The following USP28 variants were observed in gnomAD, a reference collection of about 807,000 sequenced individuals.
USP28 encodes the protein ubiquitin carboxyl-terminal hydrolase 28.
USP28 carries 113 observed loss-of-function variants against 145.0 expected under a neutral mutation model. The ratio of observed to expected loss-of-function variants is 0.78; its 90% CI spans 0.67 to 0.91. USP28 has a LOEUF of 0.91. Among genes scored for constraint, USP28 ranks in the 40% least tolerant of loss-of-function variants. USP28 has a pLI of 0.00. For missense variants in USP28, 1,201 were observed against 1,289.6 expected (o/e 0.93, Z 1.05); for synonymous variants, 447 against 450.9 (o/e 0.99, Z 0.11).
intron 12 of USP28, among the ~76,000 whole-genome samples, chr11:113,820,636 A>C (rs867210823): frequency 2.0e-5 from 3 of 152,186 alleles, no homozygotes; most frequent in Admixed American, 6.5e-5. Flanking sequence ...TGGTTCTGAC[A>C]TGGAGGCGCC....
At chr11:113,813,427 T>A (rs914144074) in intron 15 of USP28, among the ~76,000 whole-genome samples, 1 of 152,212 alleles carries the variant, frequency 6.6e-6, no homozygotes, top group African/African-American at 2.4e-5. Context: ...AACACTTCTG[T>A]GGATAGTTAA....
chr11:113,829,215 C>T (rs745542843), exon 10 of USP28: 99 of 1,613,838 alleles, frequency 6.1e-5, no homozygotes, highest in Non-Finnish European at 7.6e-5. Flanking sequence ...CATACTTCAC[C>T]GAGTGATCGG....
intron 15 of USP28, chr11:113,813,623 T>G (rs575615021): frequency 7.1e-6 from 3 of 420,202 alleles, no homozygotes; most frequent in Middle Eastern, 1.3e-3. Flanking sequence ...TATTAGTATC[T>G]GACAGCAAAC....
At chr11:113,862,401 GT>G (rs1345191964) in intron 1 of USP28, among the ~76,000 whole-genome samples, 1 of 152,192 alleles carries the variant, frequency 6.6e-6, no homozygotes, top group East Asian at 1.9e-4. Flanking sequence ...ATTACAAAGG[GT>G]TCTAAATGTC....
At chr11:113,818,992 A>G (rs1361569639) in intron 12 of USP28, among the ~76,000 whole-genome samples, 1 of 152,110 alleles carries the variant, frequency 6.6e-6, no homozygotes, top group African/African-American at 2.4e-5. Flanking sequence ...CACCTCTATC[A>G]GTTTAGTAGA....
At chr11:113,817,735 T>C (rs772096613) in exon 13 of USP28, 3 of 1,614,222 alleles carry the variant, frequency 1.9e-6, no homozygotes, top group Admixed American at 3.3e-5. Flanking sequence ...CACTTTCAGG[T>C]GGACAGCTTT....
chr11:113,826,392 A>G (rs1300608675), intron 11 of USP28, among the ~76,000 whole-genome samples: 2 of 108,610 alleles, frequency 1.8e-5, no homozygotes, highest in Non-Finnish European at 3.4e-5. Context: ...TCTGTTACCC[A>G]GGCTGGAGTG....
chr11:113,852,271 G>T (rs527866847), intron 3 of USP28, among the ~76,000 whole-genome samples: 1 of 152,120 alleles, frequency 6.6e-6, no homozygotes. Context: ...CTCGTAATCC[G>T]CCTGCCTCGG....
chr11:113,847,342 C>G (rs948367385), intron 3 of USP28, among the ~76,000 whole-genome samples: 8 of 150,074 alleles, frequency 5.3e-5, no homozygotes, highest in African/African-American at 1.7e-4. Flanking sequence ...ACAGAAAAAT[C>G]CATTGAAAGA....
intron 3 of USP28, among the ~76,000 whole-genome samples, chr11:113,851,039 C>G (rs1418693474): frequency 1.3e-5 from 2 of 152,176 alleles, no homozygotes; most frequent in Admixed American, 1.3e-4. Context: ...ATTTTTGAGT[C>G]ACCTTTAACT....
At chr11:113,813,428 G>A (rs1034767625) in intron 15 of USP28, among the ~76,000 whole-genome samples, 2 of 152,068 alleles carry the variant, frequency 1.3e-5, no homozygotes, top group African/African-American at 4.8e-5. Flanking sequence ...ACACTTCTGT[G>A]GATAGTTAAG....
At chr11:113,826,346 T>A (rs1943318439) in intron 11 of USP28, among the ~76,000 whole-genome samples, 1 of 131,144 alleles carries the variant, frequency 7.6e-6, no homozygotes, top group Non-Finnish European at 1.6e-5. Flanking sequence ...CATTTTTTTT[T>A]TTTTTTTTTT....
chr11:113,811,522 T>C (rs937484127), intron 16 of USP28, among the ~76,000 whole-genome samples: 4 of 152,150 alleles, frequency 2.6e-5, no homozygotes, highest in African/African-American at 9.7e-5. Context: ...ACACCGTTTC[T>C]ACTAAAAATA....
chr11:113,804,599 T>C, intron 21 of USP28, 74 bp downstream of exon 22: 1 of 1,369,156 alleles, frequency 7.3e-7, no homozygotes, highest in East Asian at 2.3e-5. Context: ...CACAAAATTG[T>C]TTATTTTGCC....
intron 23 of USP28, 112 bp downstream of exon 24, chr11:113,803,046 G>A (rs979767910): frequency 3.1e-5 from 38 of 1,238,552 alleles, no homozygotes; most frequent in Non-Finnish European, 3.5e-5. Flanking sequence ...ATTTTGGGGG[G>A]AAATCTACAA....
intron 3 of USP28, among the ~76,000 whole-genome samples, chr11:113,846,078 AG>A (rs1388530991): frequency 6.6e-6 from 1 of 152,250 alleles, no homozygotes; most frequent in African/African-American, 2.4e-5. Context: ...GACATTGGTA[AG>A]TGAAATAAGC....
At chr11:113,850,420 T>C (rs77803855) in intron 3 of USP28, among the ~76,000 whole-genome samples, 18,152 of 152,084 alleles carry the variant, frequency 0.12, 1,090 homozygotes, top group Middle Eastern at 0.18. Flanking sequence ...CCAGTGAAAA[T>C]GAATGAACTA....
intron 1 of USP28, among the ~76,000 whole-genome samples, chr11:113,871,871 T>C (rs1452906777): frequency 1.3e-5 from 2 of 152,278 alleles, no homozygotes; most frequent in African/African-American, 2.4e-5. Context: ...TCCAGGGCAA[T>C]GGGCCCATCA....
chr11:113,823,523 T>C (rs1237415824), intron 12 of USP28, 82 bp downstream of exon 12: 17 of 1,092,540 alleles, frequency 1.6e-5, no homozygotes, highest in South Asian at 3.1e-5. Context: ...ATTTAAACGT[T>C]GAGTTAATTT....
Sources: gnomAD v4.1 joint callset for allele counts (sites outside exome capture counted in the v4.1 genomes callset) on GRCh38, gnomAD v4.1.1 for gene constraint, MANE v1.5 for transcripts, NCBI Gene and HGNC (gene_info 2026-07-23, HGNC 2026-07-21) for gene names.